MDGA2: variants seen among roughly 807,000 people sequenced by gnomAD.
MDGA2 encodes the protein MAM domain-containing glycosylphosphatidylinositol anchor protein 2.
Under a neutral mutation model 117.8 loss-of-function variants are expected in MDGA2, and 40 were observed. The ratio of observed to expected loss-of-function variants is 0.34; its 90% CI spans 0.26 to 0.44. MDGA2 has a LOEUF of 0.44. Among genes scored for constraint, MDGA2 ranks in the 20% least tolerant of loss-of-function variants. The pLI is 1.00. For synonymous variants in MDGA2, 452 were observed against 439.0 expected, an observed-to-expected ratio of 1.03 and a Z score of -0.37; for missense variants, 1,123 against 1,250.6, an observed-to-expected ratio of 0.90 and a Z score of 1.54.
In MDGA2 at chr14:47,610,467, G is replaced by C. The variant is rs72670788; in HGVS notation, c.280+64050C>G. The stretch of plus-strand genomic sequence containing the variant: ...AATAAAATAATTGAGCAAAGTTTCC[G>C]GATACAAGACTAACGTACAAAAATC... On this transcript the variant is annotated intron_variant, in intron 1 of 16. Coordinates refer to ENST00000399232, the MANE Select transcript of MDGA2 (RefSeq NM_001113498.3). 3.3e-5 allele frequency among the ~76,000 whole-genome samples: 5 copies of C among 151,742 alleles called. No homozygotes were observed. In the East Asian group the frequency reaches 9.7e-4, roughly 29 times the overall value.
chr14:47,048,896 C>A (rs545512890), intron 7 of MDGA2, among the ~76,000 whole-genome samples: 1 of 152,132 alleles, frequency 6.6e-6, no homozygotes, highest in South Asian at 2.1e-4. Flanking sequence ...TAGAAGTATA[C>A]AGAAGTTTAC....
intron 2 of MDGA2, among the ~76,000 whole-genome samples, chr14:47,255,196 A>G (rs578170558): frequency 7.6e-4 from 116 of 152,352 alleles, no homozygotes; most frequent in African/African-American, 2.7e-3. Flanking sequence ...CTAAGACATT[A>G]AAGAGATTGT....
At chr14:47,270,585 C>G (rs1288908961) in intron 2 of MDGA2, among the ~76,000 whole-genome samples, 2 of 152,114 alleles carry the variant, frequency 1.3e-5, no homozygotes, top group Non-Finnish European at 2.9e-5. Context: ...ATGTGTGGCT[C>G]AAATGACAAG....
At chr14:47,146,430 A>G (rs1882947058) in intron 3 of MDGA2, among the ~76,000 whole-genome samples, 1 of 152,164 alleles carries the variant, frequency 6.6e-6, no homozygotes, top group South Asian at 2.1e-4. Flanking sequence ...CTGTGCAGCG[A>G]TATATGCTGT....
At chr14:47,486,542 G>C (rs569356044) in intron 1 of MDGA2, among the ~76,000 whole-genome samples, 3 of 152,146 alleles carry the variant, frequency 2.0e-5, no homozygotes, top group East Asian at 3.9e-4. Context: ...GTAAAGATAT[G>C]AGATTTGGGG....
intron 3 of MDGA2, among the ~76,000 whole-genome samples, chr14:47,188,118 T>C (rs1335912978): frequency 6.6e-6 from 1 of 152,174 alleles, no homozygotes; most frequent in Non-Finnish European, 1.5e-5. Flanking sequence ...GTTGGTTGCA[T>C]GTCACTATTT....
At chr14:46,969,335 A>G (rs1344063002) in intron 8 of MDGA2, among the ~76,000 whole-genome samples, 1 of 152,176 alleles carries the variant, frequency 6.6e-6, no homozygotes, top group East Asian at 1.9e-4. Context: ...ACTGACTTCC[A>G]CAAGGGTTGA....
At chr14:47,549,337 A>G (rs1484814688) in intron 1 of MDGA2, among the ~76,000 whole-genome samples, 2 of 82,446 alleles carry the variant, frequency 2.4e-5, no homozygotes, top group Non-Finnish European at 5.6e-5. Flanking sequence ...AGGTTTCACC[A>G]GTATTATCTC....
intron 2 of MDGA2, among the ~76,000 whole-genome samples, chr14:47,277,589 T>C (rs1047639748): frequency 2.0e-5 from 3 of 152,132 alleles, no homozygotes; most frequent in Non-Finnish European, 4.4e-5. Flanking sequence ...TAATTGAAGA[T>C]GGAAAGTAAA....
At chr14:47,247,590 A>C (rs2139629096) in intron 2 of MDGA2, among the ~76,000 whole-genome samples, 1 of 151,312 alleles carries the variant, frequency 6.6e-6, no homozygotes, top group South Asian at 2.1e-4. Context: ...GGCGTGAGCC[A>C]CCGTGTCCAG....
At chr14:47,569,309 T>G (rs1895976076) in intron 1 of MDGA2, among the ~76,000 whole-genome samples, 1 of 152,194 alleles carries the variant, frequency 6.6e-6, no homozygotes, top group Non-Finnish European at 1.5e-5. Context: ...ATCCACAATT[T>G]TGTTCATGCA....
chr14:47,038,011 C>T (rs1888918984), intron 7 of MDGA2, among the ~76,000 whole-genome samples: 1 of 152,150 alleles, frequency 6.6e-6, no homozygotes, highest in African/African-American at 2.4e-5. Flanking sequence ...CTCAGTGCAA[C>T]CTCTGCCTCC....
chr14:47,605,455 G>C (rs1896725499), intron 1 of MDGA2, among the ~76,000 whole-genome samples: 1 of 152,138 alleles, frequency 6.6e-6, no homozygotes. Flanking sequence ...GGATGACTCA[G>C]CTGGTAAACA....
intron 1 of MDGA2, among the ~76,000 whole-genome samples, chr14:47,315,702 C>T (rs72683844): frequency 0.089 from 13,570 of 152,044 alleles, 733 homozygotes; most frequent in Non-Finnish European, 0.11. Flanking sequence ...TTTAGGTCAC[C>T]GTCTCTGTCA....
chr14:46,939,480 A>C (rs569752426), intron 9 of MDGA2, among the ~76,000 whole-genome samples: 3 of 152,328 alleles, frequency 2.0e-5, no homozygotes, highest in South Asian at 4.1e-4. Context: ...ACCTGCTTCC[A>C]GTGTTCTACC....
chr14:47,046,751 T>C (rs1218283661), intron 7 of MDGA2, among the ~76,000 whole-genome samples: 1 of 152,110 alleles, frequency 6.6e-6, no homozygotes, highest in Non-Finnish European at 1.5e-5. Context: ...CTACTAATAA[T>C]AGGCAGGAGG....
intron 7 of MDGA2, 108 bp downstream of exon 7, chr14:47,061,141 G>T: frequency 9.5e-7 from 1 of 1,047,254 alleles, no homozygotes. Context: ...TTTGTTTTTA[G>T]GAAACTTAAA....
intron 9 of MDGA2, among the ~76,000 whole-genome samples, chr14:46,944,985 A>C (rs557986355): frequency 6.6e-6 from 1 of 152,130 alleles, no homozygotes; most frequent in Non-Finnish European, 1.5e-5. Context: ...TCTGGACCAA[A>C]AGTAACATTT....
intron 1 of MDGA2, among the ~76,000 whole-genome samples, chr14:47,509,496 C>G (rs931801007): frequency 6.6e-6 from 1 of 152,110 alleles, no homozygotes; most frequent in Non-Finnish European, 1.5e-5. Flanking sequence ...GCTGCCTCCA[C>G]CTACCTTTCA....
Sources: gnomAD v4.1 joint callset for allele counts (sites outside exome capture counted in the v4.1 genomes callset) on GRCh38, gnomAD v4.1.1 for gene constraint, MANE v1.5 for transcripts, NCBI Gene and HGNC (gene_info 2026-07-23, HGNC 2026-07-21) for gene names.